The following SREBF1 variants were observed in gnomAD, a reference collection of about 807,000 sequenced individuals.
SREBF1 encodes the protein sterol regulatory element-binding protein 1.
A neutral mutation model predicts 100.1 loss-of-function variants in SREBF1; 45 were observed. The observed-to-expected ratio is 0.45, with a 90% CI of 0.35 to 0.58. The LOEUF (loss-of-function observed/expected upper bound fraction) is 0.58, where lower values mean the gene tolerates loss of function less well. Ranked by LOEUF, SREBF1 falls within the 20% of genes least tolerant of loss-of-function variation. The pLI is 0.00. For missense variants in SREBF1, 1,324 were observed against 1,539.4 expected, an observed-to-expected ratio of 0.86 and a Z score of 2.34; for synonymous variants, 657 against 681.8, an observed-to-expected ratio of 0.96 and a Z score of 0.57.
rs765437644 is a variant in SREBF1 at position 17,819,110 on chromosome 17, T to C, written c.971A>G (p.Lys324Arg). 1.2e-6 allele frequency: 2 copies of C among 1,614,082 alleles called. No individual in the cohort carries two copies. Among genetic ancestry groups the C allele is most frequent in the Admixed American group, 1.7e-5 (1 of 60,030 alleles). ...CTCAATGGCGTTGTGGGCTGTGCGC[T>C]TCTCTCCACGGCTCTGGGCAGAGGC... ...APASAQSRGE[K>R]RTAHNAIEKR... The change falls in exon 5 of 19, where the codon AAG (lysine) becomes AGG (arginine). Residue 324 changes from lysine to arginine, a missense_variant. Physicochemically the swap from Lys to Arg is conservative, Grantham distance 26. Transcript: ENST00000261646.
Position 17,817,747 on chromosome 17 carries a change from A to ACCGCTG in SREBF1, c.1347_1352dup (p.Ser450_Gly451dup). On this transcript the variant is annotated inframe_insertion, in exon 7 of 19. Transcript: ENST00000261646. The surrounding 1 kb of genome is among the most constrained non-coding windows in gnomAD (Gnocchi z 6.6). ...CAGGCTCCGAGTCACTGCCACTGCC[A>ACCGCTG]CCGCTGCCACTGCCCCTGCTGCCAA... 6.2e-7 allele frequency: 1 copy of ACCGCTG among 1,613,420 alleles called. No homozygotes were observed. The highest frequency in any genetic ancestry group is 8.5e-7 in the Non-Finnish European group (1 of 1,179,898).
rs867389611 is a variant in SREBF1 at position 17,824,408 on chromosome 17, G to A, written c.92-3887C>T. Among the ~76,000 whole-genome samples, 2 of 152,252 alleles carry A rather than the reference G, an allele frequency of 1.3e-5. No individual in the cohort carries two copies. Among genetic ancestry groups the A allele is most frequent in the Middle Eastern group, 6.8e-3 (2 of 294 alleles). ...GTGAAGTCTGCCCCTCCCCCTCAAG[G>A]CCTCACAACCCAGCAGTCACCAAGT... is the stretch of plus-strand genomic sequence containing the variant. On this transcript the variant is annotated intron_variant, in intron 1 of 18. Transcript: ENST00000261646. The surrounding 1 kb of genome is among the most constrained non-coding windows in gnomAD (Gnocchi z 4.2).
chr17:17,815,338 A>T lies in SREBF1; in HGVS notation c.2384-9T>A, dbSNP rs1197389384. The T allele has an allele frequency of 1.2e-6, 2 of 1,610,842 alleles. No individual in the cohort carries two copies. Among genetic ancestry groups the T allele is most frequent in the Admixed American group, 3.3e-5 (2 of 60,000 alleles). On this transcript the variant is annotated splice_polypyrimidine_tract_variant and intron_variant, in intron 12 of 18. Coordinates refer to ENST00000261646, the MANE Select transcript of SREBF1 (RefSeq NM_004176.5). ...CTGGGCCAGGGGGTCCACTGTGGAG[A>T]GGAGGAGGTGAGTGGGGTGGGGAGC...
chr17:17,829,922 G>A (rs895200076), intron 1 of SREBF1, among the ~76,000 whole-genome samples: 1 of 152,120 alleles, frequency 6.6e-6, no homozygotes, highest in Non-Finnish European at 1.5e-5. Context: ...TTACAGGCGT[G>A]AGCCACTGTG....
At position 17,815,872 on chromosome 17, in the gene SREBF1, C is replaced by T; in HGVS notation, c.2371G>A (p.Ala791Thr). The T allele has an allele frequency of 6.2e-7, 1 of 1,612,692 alleles. No homozygotes were observed. The highest frequency in any genetic ancestry group is 8.5e-7 in the Non-Finnish European group (1 of 1,179,804). The change falls in exon 12 of 19, where the codon GCC becomes ACC. Residue 791 changes from alanine (A) to threonine (T), a missense_variant. Physicochemically the swap from Ala to Thr is moderately conservative, Grantham distance 58. Transcript: ENST00000261646. ...GGTAAGAGAGCACCTGGGTTCCCGG[C>T]CAAGCTGTACAGGCTCTCCCATGGG... ...STPWESLYSLAGNPVDPLAQV... is the reference protein window; with the variant it reads ...STPWESLYSLTGNPVDPLAQV...
chr17:17,816,202 C>T lies in SREBF1; in HGVS notation c.2214+5G>A. 1 of 1,558,440 alleles carries T rather than the reference C, an allele frequency of 6.4e-7. No homozygotes were observed. Among genetic ancestry groups the T allele is most frequent in the Non-Finnish European group, 8.7e-7 (1 of 1,148,978 alleles). On this transcript the variant is annotated splice_donor_5th_base_variant and intron_variant, in intron 11 of 18. Coordinates refer to ENST00000261646, the MANE Select transcript of SREBF1 (RefSeq NM_004176.5). ...GATAAGCCCCCAGCCCCCCAACCCA[C>T]TCACTGTCAGAAAATGCAAGGCCCG...
chr17:17,815,107 G>T (rs2033411519), intron 13 of SREBF1, 114 bp downstream of exon 13: 4 of 1,250,276 alleles, frequency 3.2e-6, no homozygotes, highest in Non-Finnish European at 4.7e-6. Flanking sequence ...AATGAAGCGT[G>T]CATGGCACGC....
chr17:17,812,895 A>G, intron 18 of SREBF1, 44 bp from the exon 19 acceptor site: 1 of 1,441,468 alleles, frequency 6.9e-7, no homozygotes, highest in Non-Finnish European at 9.1e-7. Flanking sequence ...CAAGCTGGCC[A>G]CGCCCCCGCG....
chr17:17,818,828 C>G, intron 5 of SREBF1, 185 bp downstream of exon 5: 1 of 702,104 alleles, frequency 1.4e-6, no homozygotes, highest in Non-Finnish European at 2.5e-6. Flanking sequence ...CACAGCCCCA[C>G]CTTTATTGAA....
At chr17:17,813,918 G>A (rs947375102) in intron 16 of SREBF1, 149 bp from the exon 17 acceptor site, 6 of 860,116 alleles carry the variant, frequency 7.0e-6, no homozygotes, top group Admixed American at 4.9e-5. Context: ...GCAATGCACC[G>A]CGGGGCCGCC....
intron 1 of SREBF1, among the ~76,000 whole-genome samples, chr17:17,833,899 A>T (rs1408054879): frequency 1.3e-5 from 2 of 152,060 alleles, no homozygotes; most frequent in African/African-American, 4.8e-5. Context: ...TGAACCTGAG[A>T]GGCAGAGTTT....
intron 1 of SREBF1, among the ~76,000 whole-genome samples, chr17:17,825,493 C>G (rs920665580): frequency 1.2e-4 from 18 of 152,034 alleles, no homozygotes; most frequent in Admixed American, 9.8e-4. Context: ...TAAGATGCCC[C>G]GAGGAAGGGG....
At chr17:17,829,438 T>A (rs1321249898) in intron 1 of SREBF1, among the ~76,000 whole-genome samples, 1 of 151,988 alleles carries the variant, frequency 6.6e-6, no homozygotes, top group Admixed American at 6.6e-5. Context: ...CCTTCTAGCA[T>A]CACCGGCACT....
Position 17,816,949 on chromosome 17 carries a change from G to C in SREBF1, c.1785+9C>G, listed in dbSNP as rs369312304. On this transcript the variant is annotated intron_variant, in intron 9 of 18. Coordinates refer to ENST00000261646, the MANE Select transcript of SREBF1 (RefSeq NM_004176.5). ...TGCCCTGCCCACTCTGCCGGGGCCA[G>C]CCCCTTACCCGGGCCAGGTCCAGGT... 50 of 1,612,756 alleles carry C rather than the reference G, an allele frequency of 3.1e-5. No individual in the cohort carries two copies. The highest frequency in any genetic ancestry group is 4.0e-5 in the Non-Finnish European group (47 of 1,180,046).
At position 17,817,654 on chromosome 17, in the gene SREBF1, A is replaced by G. The variant is rs768608062; in HGVS notation, c.1404+42T>C. On this transcript the variant is annotated intron_variant, in intron 7 of 18. Transcript: ENST00000261646. The surrounding 1 kb of genome is among the most constrained non-coding windows in gnomAD (Gnocchi z 6.6). ...GGCCCTGTCATGAGGCTCAGAGGAT[A>G]TGGCTGGGAGTGGGGAAGGGGGCAC... 6.2e-6 allele frequency: 10 copies of G among 1,609,164 alleles called. No homozygotes were observed. The African/African-American group carries it at 1.1e-4, about 17-fold the overall frequency.
chr17:17,813,835 C>T (rs1038510830), intron 16 of SREBF1, 66 bp from the exon 17 acceptor site: 9 of 1,482,150 alleles, frequency 6.1e-6, no homozygotes, highest in African/African-American at 2.8e-5. Flanking sequence ...GATGGGGGCC[C>T]GTGGTGCCAG....
rs757078927 is a variant in SREBF1, at chr17:17,814,688, G to A, written c.2662C>T (p.Arg888Trp). 5.6e-6 allele frequency: 9 copies of A among 1,596,928 alleles called. No individual in the cohort carries two copies. Among genetic ancestry groups the A allele is most frequent in the Admixed American group, 3.4e-5 (2 of 58,718 alleles). Reference sequence around the variant, plus strand: ...CGCTCAGCCGCCTCCTCATCCCGCCGCAGCCAGTGGATCACCACAGCTGTC... The same window carrying A: ...CGCTCAGCCGCCTCCTCATCCCGCCACAGCCAGTGGATCACCACAGCTGTC... ...SLTAVVIHWL[R>W]RDEEAAERLC... The change falls in exon 15 of 19, where the codon CGG becomes TGG. Residue 888 changes from arginine (R) to tryptophan (W), a missense_variant. Arg to Trp is a moderately radical substitution (Grantham distance 101). Transcript: ENST00000261646.
Position 17,816,567 on chromosome 17 carries a change from G to A in SREBF1, c.1937C>T (p.Ala646Val), listed in dbSNP as rs1446684357. 1.2e-6 allele frequency: 2 copies of A among 1,605,336 alleles called. No homozygotes were observed. The highest frequency in any genetic ancestry group is 1.7e-6 in the Non-Finnish European group (2 of 1,176,954). Residue 646 changes from alanine (A) to valine (V), a missense_variant, in exon 10 of 19, where the codon GCA becomes GTA. Ala to Val is a moderately conservative substitution (Grantham distance 64, BLOSUM62 0). Coordinates refer to ENST00000261646, the MANE Select transcript of SREBF1 (RefSeq NM_004176.5). The part of the protein sequence containing the change: ...LQRLWVGRWL[A>V]GRAGGLQQDC... Reference sequence around the variant, plus strand: ...CTGCTGCAGGCCCCCTGCCCGGCCTGCCAGCCAGCGGCCCACCCAGAGACG... The same window carrying A: ...CTGCTGCAGGCCCCCTGCCCGGCCTACCAGCCAGCGGCCCACCCAGAGACG...
chr17:17,827,631 A>G (rs114018671), intron 1 of SREBF1, among the ~76,000 whole-genome samples: 1,945 of 152,220 alleles, frequency 0.013, 40 homozygotes, highest in African/African-American at 0.044. Context: ...AATGGGACGC[A>G]CCCATGGCTG....
Sources: allele counts gnomAD v4.1 joint callset (sites outside exome capture counted in the v4.1 genomes callset), GRCh38; gene constraint gnomAD v4.1.1; non-coding constraint Gnocchi (gnomAD v3.1); transcripts MANE v1.5; gene names NCBI Gene and HGNC (gene_info 2026-07-23, HGNC 2026-07-21).